KCNJ16: variants seen among roughly 807,000 people sequenced by gnomAD.
KCNJ16 encodes the protein potassium inwardly rectifying channel subfamily J member 16, also known as inward rectifier potassium channel 16.
Under a neutral mutation model 18.5 loss-of-function variants are expected in KCNJ16, and 15 were observed. The observed-to-expected ratio is 0.81, with a 90% CI of 0.54 to 1.25. The LOEUF is 1.25. KCNJ16 is among the 50% of genes most tolerant of loss of function. The probability of loss-of-function intolerance (pLI) is 0.00; values close to 1 mark genes in which losing one functional copy is unlikely to be tolerated. For synonymous variants in KCNJ16, 174 were observed against 186.5 expected, an observed-to-expected ratio of 0.93 and a Z score of 0.55; for missense variants, 523 against 525.7, an observed-to-expected ratio of 0.99 and a Z score of 0.05.
intron 1 of KCNJ16, among the ~76,000 whole-genome samples, chr17:70,087,502 G>C (rs932653775): frequency 6.6e-6 from 1 of 152,048 alleles, no homozygotes; most frequent in African/African-American, 2.4e-5. Flanking sequence ...AAGAATTCGA[G>C]ATCAGCCTGG....
intron 1 of KCNJ16, among the ~76,000 whole-genome samples, chr17:70,099,562 C>G (rs1476586385): frequency 6.6e-6 from 1 of 152,000 alleles, no homozygotes; most frequent in African/African-American, 2.4e-5. Flanking sequence ...TAGAGACGGA[C>G]AGCCATCTTG....
At chr17:70,104,449 G>T (rs543940301) in intron 2 of KCNJ16, among the ~76,000 whole-genome samples, 32 of 152,328 alleles carry the variant, frequency 2.1e-4, no homozygotes, top group African/African-American at 7.5e-4. Context: ...CAAATGAAAT[G>T]ATGTTGGGCA....
At chr17:70,086,147 T>A (rs1429182870) in intron 1 of KCNJ16, among the ~76,000 whole-genome samples, 1 of 152,158 alleles carries the variant, frequency 6.6e-6, no homozygotes, top group Non-Finnish European at 1.5e-5. Flanking sequence ...ATTATACAAA[T>A]ATTGATTTGT....
At chr17:70,128,829 C>G (rs60281786) in intron 2 of KCNJ16, 1 of 152,260 alleles carries the variant, frequency 6.6e-6, no homozygotes, top group Non-Finnish European at 1.5e-5. Flanking sequence ...ACACGCTGTT[C>G]TAATGAGCGC....
chr17:70,101,168 T>C (rs1309545727), intron 2 of KCNJ16: 1 of 152,212 alleles, frequency 6.6e-6, no homozygotes, highest in East Asian at 1.9e-4. Flanking sequence ...GGTCACATTT[T>C]TGGATGTCTC....
At chr17:70,125,639 C>G (rs1037449676) in intron 2 of KCNJ16, among the ~76,000 whole-genome samples, 7 of 152,058 alleles carry the variant, frequency 4.6e-5, no homozygotes, top group African/African-American at 1.7e-4. Context: ...ATTAAGAAAA[C>G]AAAGGAATGG....
At chr17:70,124,770 T>G (rs892516344) in intron 2 of KCNJ16, among the ~76,000 whole-genome samples, 2 of 152,224 alleles carry the variant, frequency 1.3e-5, no homozygotes, top group Non-Finnish European at 2.9e-5. Context: ...CTTGTGGATT[T>G]CTTTAGCCTG....
intron 2 of KCNJ16, among the ~76,000 whole-genome samples, chr17:70,105,272 A>G (rs960130320): frequency 2.0e-5 from 3 of 152,180 alleles, no homozygotes; most frequent in Non-Finnish European, 2.9e-5. Flanking sequence ...TCTCTGGGGA[A>G]TGCTGAGCCA....
chr17:70,096,244 A>G (rs1233437462), intron 1 of KCNJ16, among the ~76,000 whole-genome samples: 3 of 152,026 alleles, frequency 2.0e-5, no homozygotes, highest in Non-Finnish European at 2.9e-5. Context: ...TGTCCTGCAT[A>G]CAGTCTGATT....
At chr17:70,118,971 G>C (rs2073525773) in intron 2 of KCNJ16, among the ~76,000 whole-genome samples, 1 of 152,152 alleles carries the variant, frequency 6.6e-6, no homozygotes, top group South Asian at 2.1e-4. Context: ...TGACAGGTTA[G>C]TTACTTCCAA....
intron 1 of KCNJ16, among the ~76,000 whole-genome samples, chr17:70,084,636 G>T (rs2071712703): frequency 1.3e-5 from 2 of 152,072 alleles, no homozygotes; most frequent in African/African-American, 4.8e-5. Flanking sequence ...GTAGAGCGGT[G>T]GTGCTGAATG....
intron 2 of KCNJ16, among the ~76,000 whole-genome samples, chr17:70,103,337 T>TATGC (rs2072761831): frequency 1.7e-5 from 2 of 116,996 alleles, no homozygotes; most frequent in Non-Finnish European, 3.7e-5. Context: ...CACATATATA[T>TATGC]ATATTTTTTT....
chr17:70,078,269 G>T (rs2071401373), intron 1 of KCNJ16, among the ~76,000 whole-genome samples: 1 of 152,234 alleles, frequency 6.6e-6, no homozygotes, highest in South Asian at 2.1e-4. Context: ...ATCTGAAACT[G>T]CTGACAGGTG....
chr17:70,131,338 T>C, intron 3 of KCNJ16: 1 of 1,069,928 alleles, frequency 9.3e-7, no homozygotes, highest in Non-Finnish European at 1.1e-6. Flanking sequence ...GCATTTTTTT[T>C]TCTTTTCTTT....
intron 1 of KCNJ16, among the ~76,000 whole-genome samples, chr17:70,094,080 T>C (rs374866683): frequency 2.6e-5 from 4 of 152,216 alleles, no homozygotes; most frequent in Non-Finnish European, 4.4e-5. Flanking sequence ...TTGGTATTGA[T>C]GCAATGGCTC....
At chr17:70,103,793 G>A (rs751118512) in intron 2 of KCNJ16, among the ~76,000 whole-genome samples, 1 of 152,120 alleles carries the variant, frequency 6.6e-6, no homozygotes, top group Middle Eastern at 3.4e-3. Context: ...CTGTCAGAAA[G>A]CATATCAAAT....
intron 2 of KCNJ16, among the ~76,000 whole-genome samples, chr17:70,111,613 G>A (rs2073187268): frequency 6.6e-6 from 1 of 152,094 alleles, no homozygotes; most frequent in Non-Finnish European, 1.5e-5. Context: ...CAAGGTCACT[G>A]ATATGGTTTG....
chr17:70,108,365 A>T (rs2073026890), intron 2 of KCNJ16: 1 of 152,120 alleles, frequency 6.6e-6, no homozygotes, highest in Non-Finnish European at 1.5e-5. Context: ...TCAGTCACGC[A>T]GTTGAGGTCA....
intron 1 of KCNJ16, 83 bp downstream of exon 1, chr17:70,075,473 C>G (rs142191378): frequency 2.6e-5 from 4 of 152,302 alleles, no homozygotes; most frequent in Admixed American, 2.6e-4. Flanking sequence ...GGAGCAGCAA[C>G]ACTCTGTTTC....
Sources: gnomAD v4.1 joint callset for allele counts (sites outside exome capture counted in the v4.1 genomes callset) on GRCh38, gnomAD v4.1.1 for gene constraint, MANE v1.5 for transcripts, NCBI Gene and HGNC (gene_info 2026-07-23, HGNC 2026-07-21) for gene names.